EPM2A: variants seen among roughly 807,000 people sequenced by gnomAD.
The protein encoded by EPM2A is EPM2A glucan phosphatase, laforin, also known as laforin.
Under a neutral mutation model 26.5 loss-of-function variants are expected in EPM2A, and 21 were observed. The ratio of observed to expected loss-of-function variants is 0.79; its 90% CI spans 0.56 to 1.14. The LOEUF (loss-of-function observed/expected upper bound fraction) is 1.14. EPM2A is among the 50% of genes most tolerant of loss of function. The pLI, the probability that EPM2A is intolerant of heterozygous loss-of-function variation, is 0.00. For synonymous variants in EPM2A, 217 were observed against 177.6 expected (o/e 1.22, Z -1.76); for missense variants, 458 against 440.8 (o/e 1.04, Z -0.35).
At chr6:145,414,327 T>G (rs1299770766) in intron 4 of EPM2A, among the ~76,000 whole-genome samples, 1 of 151,886 alleles carries the variant, frequency 6.6e-6, no homozygotes, top group Non-Finnish European at 1.5e-5. Flanking sequence ...CCAAGTGGCT[T>G]TCTTGATGCC....
intron 4 of EPM2A, among the ~76,000 whole-genome samples, chr6:145,494,010 G>A (rs1404140287): frequency 1.3e-5 from 2 of 152,300 alleles, no homozygotes; most frequent in East Asian, 1.9e-4. Flanking sequence ...AATAAGTTAG[G>A]GAGCAGTCCC....
At chr6:145,470,507 A>T (rs1381914681) in intron 4 of EPM2A, among the ~76,000 whole-genome samples, 1 of 152,088 alleles carries the variant, frequency 6.6e-6, no homozygotes, top group African/African-American at 2.4e-5. Flanking sequence ...TTTAAAATTG[A>T]CTAGTCAATA....
chr6:145,474,139 T>C (rs1269653446), intron 4 of EPM2A, among the ~76,000 whole-genome samples: 1 of 152,114 alleles, frequency 6.6e-6, no homozygotes, highest in East Asian at 1.9e-4. Context: ...TACAATAAGA[T>C]ATAAATAGAA....
At chr6:145,471,911 C>G (rs990160081) in intron 4 of EPM2A, among the ~76,000 whole-genome samples, 5 of 151,772 alleles carry the variant, frequency 3.3e-5, no homozygotes, top group Non-Finnish European at 7.4e-5. Flanking sequence ...ACTGAGACAC[C>G]AGCTGGGGTG....
At chr6:145,563,498 A>G (rs1369536908) in intron 2 of EPM2A, among the ~76,000 whole-genome samples, 1 of 151,940 alleles carries the variant, frequency 6.6e-6, no homozygotes, top group Admixed American at 6.6e-5. Flanking sequence ...GGGCTCACTG[A>G]GTCATGGCTG....
intron 2 of EPM2A, among the ~76,000 whole-genome samples, chr6:145,646,911 T>C (rs923648201): frequency 2.0e-5 from 3 of 152,286 alleles, no homozygotes; most frequent in Middle Eastern, 3.4e-3. Flanking sequence ...CACCCAGTCA[T>C]GTAAGCCAGG....
In EPM2A at chr6:145,488,690, TA is replaced by T. The variant is rs538798614; in HGVS notation, c.555+13831del. ...TAAGGATTGGGGGAAAAGATTCCAT[TA>T]AAAAAAAGCCTGATAATTATATACA... is the stretch of plus-strand genomic sequence containing the variant. On this transcript the variant is annotated intron_variant, in intron 4 of 4. Transcript: ENST00000638717. 5.0e-3 allele frequency among the ~76,000 whole-genome samples: 762 copies of T among 151,886 alleles called. 4 individuals are homozygous for T. Among genetic ancestry groups the T allele is most frequent in the African/African-American group, 0.018 (742 of 41,444 alleles).
chr6:145,611,978 T>C (rs1428223526), intron 2 of EPM2A, among the ~76,000 whole-genome samples: 1 of 152,154 alleles, frequency 6.6e-6, no homozygotes, highest in African/African-American at 2.4e-5. Flanking sequence ...AGTCAACATA[T>C]AGGCATGGGG....
At chr6:145,471,910 C>T (rs1397349328) in intron 4 of EPM2A, among the ~76,000 whole-genome samples, 1 of 151,812 alleles carries the variant, frequency 6.6e-6, no homozygotes, top group African/African-American at 2.4e-5. Context: ...TACTGAGACA[C>T]CAGCTGGGGT....
At chr6:145,549,794 G>T (rs1780629775) in intron 2 of EPM2A, among the ~76,000 whole-genome samples, 1 of 152,116 alleles carries the variant, frequency 6.6e-6, no homozygotes, top group African/African-American at 2.4e-5. Flanking sequence ...AAGAGAGTGT[G>T]TATGTGGCAG....
chr6:145,567,262 G>A (rs411785), intron 2 of EPM2A, among the ~76,000 whole-genome samples: 55,042 of 151,960 alleles, frequency 0.36, 10,428 homozygotes, highest in South Asian at 0.51. Context: ...TCTTCCTTAA[G>A]AACTGTATTT....
At chr6:145,466,651 C>T (rs1321896661) in intron 4 of EPM2A, among the ~76,000 whole-genome samples, 1 of 151,932 alleles carries the variant, frequency 6.6e-6, no homozygotes, top group African/African-American at 2.4e-5. Context: ...GGGTATATAC[C>T]CAAAGGACTA....
chr6:145,585,199 A>G (rs1411515876), intron 2 of EPM2A, among the ~76,000 whole-genome samples: 1 of 152,102 alleles, frequency 6.6e-6, no homozygotes, highest in Non-Finnish European at 1.5e-5. Context: ...CATCATGAGT[A>G]TGATGTATCT....
chr6:145,508,647 T>C (rs751253291), intron 2 of EPM2A, among the ~76,000 whole-genome samples: 6 of 152,158 alleles, frequency 3.9e-5, no homozygotes, highest in Non-Finnish European at 7.3e-5. Context: ...CTCCCTCAGA[T>C]GAGAAGGAAC....
chr6:145,697,616 G>A (rs576162237), intron 1 of EPM2A, among the ~76,000 whole-genome samples: 153 of 152,180 alleles, frequency 1.0e-3, no homozygotes, highest in Non-Finnish European at 1.4e-3. Flanking sequence ...CCCCCGAAGC[G>A]GCCATTTTAG....
intron 4 of EPM2A, among the ~76,000 whole-genome samples, chr6:145,450,802 C>T (rs1463791777): frequency 6.6e-6 from 1 of 152,162 alleles, no homozygotes. Context: ...GGGTAGTAAG[C>T]TGGAATAACT....
intron 2 of EPM2A, among the ~76,000 whole-genome samples, chr6:145,607,842 T>C (rs775665742): frequency 2.6e-5 from 4 of 152,208 alleles, no homozygotes; most frequent in Non-Finnish European, 4.4e-5. Flanking sequence ...CCATCTGTCC[T>C]GTATTCAGGG....
At position 145,426,166 on chromosome 6, in the gene EPM2A, A is replaced by T. The variant is rs80177803; in HGVS notation, c.556-42069T>A. Among the ~76,000 whole-genome samples, 1,197 of 152,296 alleles carry T rather than the reference A, an allele frequency of 7.9e-3. 11 individuals are homozygous for T. The highest frequency in any genetic ancestry group is 0.028 in the African/African-American group (1,152 of 41,582). On this transcript the variant is annotated intron_variant, in intron 4 of 4. Transcript: ENST00000638717. Reference sequence around the variant, plus strand: ...AATCTTCACTCTCAGAAAAGAACCAATTCACTATTGGCTGATGTTCACAGC... The same window carrying T: ...AATCTTCACTCTCAGAAAAGAACCATTTCACTATTGGCTGATGTTCACAGC...
In EPM2A at chr6:145,678,872, C is replaced by G. The variant is rs149786388; in HGVS notation, c.476+7250G>C. Among the ~76,000 whole-genome samples the G allele has an allele frequency of 5.3e-5, 8 of 152,186 alleles. No homozygotes were observed. In the East Asian group the frequency reaches 1.4e-3, roughly 26 times the overall value. On this transcript the variant is annotated intron_variant, in intron 2 of 3. Coordinates refer to ENST00000367519, the MANE Select transcript of EPM2A (RefSeq NM_005670.4). ...CCTCAAGGATCTAGAACTAGAAATA[C>G]CATTTGACCCAGTGATCCTATTACT...
Sources: gnomAD v4.1 joint callset for allele counts (sites outside exome capture counted in the v4.1 genomes callset) on GRCh38, gnomAD v4.1.1 for gene constraint, MANE v1.5 for transcripts, NCBI Gene and HGNC (gene_info 2026-07-23, HGNC 2026-07-21) for gene names.